The following TLK2 variants were observed in gnomAD, a reference collection of about 807,000 sequenced individuals.
TLK2 encodes the protein tousled like kinase 2.
TLK2 carries 6 observed loss-of-function variants against 117.3 expected under a neutral mutation model. The ratio of observed to expected loss-of-function variants is 0.05; its 90% CI spans 0.03 to 0.10. The LOEUF is 0.10. Among genes scored for constraint, TLK2 ranks in the 10% least tolerant of loss-of-function variants. TLK2 has a pLI of 1.00. For synonymous variants in TLK2, 257 were observed against 316.7 expected (o/e 0.81, Z 2.00); for missense variants, 299 against 901.2 (o/e 0.33, Z 8.56).
intron 2 of TLK2, among the ~76,000 whole-genome samples, chr17:62,518,838 T>G (rs2075821389): frequency 6.6e-6 from 1 of 152,048 alleles, no homozygotes; most frequent in Non-Finnish European, 1.5e-5. Flanking sequence ...TAGGAAAAAT[T>G]GCTTTTAAAA....
intron 19 of TLK2, among the ~76,000 whole-genome samples, chr17:62,604,737 C>T (rs28510316): frequency 0.6 from 89,744 of 150,528 alleles, 26,809 homozygotes; most frequent in East Asian, 0.82. Flanking sequence ...GGTGAAACCC[C>T]GTGTATACTA....
intron 9 of TLK2, among the ~76,000 whole-genome samples, chr17:62,555,211 C>T (rs1304995757): frequency 2.6e-5 from 4 of 152,088 alleles, no homozygotes; most frequent in East Asian, 1.9e-4. Flanking sequence ...AGGTGGGGAT[C>T]GGCAGCCTTG....
intron 9 of TLK2, among the ~76,000 whole-genome samples, chr17:62,554,538 C>A (rs550285219): frequency 6.6e-6 from 1 of 152,086 alleles, no homozygotes; most frequent in South Asian, 2.1e-4. Context: ...GCTGAGATTG[C>A]GCCACTGCAT....
intron 7 of TLK2, chr17:62,551,629 CGG>C (rs1486913306): frequency 6.6e-5 from 10 of 151,616 alleles, no homozygotes; most frequent in Non-Finnish European, 1.2e-4. Flanking sequence ...GGCATGAACC[CGG>C]GAGGCAGAGC....
At chr17:62,587,790 A>T (rs772423773) in intron 16 of TLK2, among the ~76,000 whole-genome samples, 1 of 151,844 alleles carries the variant, frequency 6.6e-6, no homozygotes, top group Non-Finnish European at 1.5e-5. Context: ...CACCGTAGTG[A>T]GTGCCAGGAG....
At position 62,608,010 on chromosome 17, in the gene TLK2, C is replaced by T. The variant is rs542404364; in HGVS notation, c.1972-31C>T. 10 of 1,558,654 alleles carry T rather than the reference C, an allele frequency of 6.4e-6. No homozygotes were observed. The South Asian group carries it at 1.0e-4, about 16-fold the overall frequency. On this transcript the variant is annotated intron_variant, in intron 20 of 21. Coordinates refer to ENST00000346027, the MANE Select transcript of TLK2 (RefSeq NM_006852.6). ...TTTTCTCTATAATTTTCATCAGAGGCCTACATTATTTGTTTGTTTTTATGT... is the reference window on the plus strand; with the variant it reads ...TTTTCTCTATAATTTTCATCAGAGGTCTACATTATTTGTTTGTTTTTATGT...
intron 10 of TLK2, 140 bp from the exon 11 acceptor site, chr17:62,564,861 G>GC: frequency 9.9e-7 from 1 of 1,007,458 alleles, no homozygotes; most frequent in East Asian, 2.7e-5. Flanking sequence ...GTCATCCGAG[G>GC]AGTCATTACT....
At chr17:62,582,439 G>A (rs1347257576) in intron 15 of TLK2, among the ~76,000 whole-genome samples, 1 of 151,854 alleles carries the variant, frequency 6.6e-6, no homozygotes, top group Non-Finnish European at 1.5e-5. Context: ...TTTTATTTTT[G>A]TGTTTCTTGA....
At chr17:62,603,160 CTG>C (rs2082999066) in intron 19 of TLK2, among the ~76,000 whole-genome samples, 1 of 152,140 alleles carries the variant, frequency 6.6e-6, no homozygotes. Flanking sequence ...AGAGTACTGA[CTG>C]TCTGGGAATC....
rs1451532939 is a variant in TLK2 at position 62,578,689 on chromosome 17, G to A, written c.1286+115G>A. ...TAAGTTACATAAATGATTCCATGGT[G>A]TATTTAGCTCTTTTGTAGCATCTAA... On this transcript the variant is annotated intron_variant, in intron 14 of 21. Transcript: ENST00000346027. 3 of 759,960 alleles carry A rather than the reference G, an allele frequency of 3.9e-6. No homozygotes were observed. In the African/African-American group the frequency reaches 5.3e-5, roughly 13 times the overall value. 47.1% of individuals were successfully genotyped at this position (759,960 alleles called of 1,614,324 possible).
intron 1 of TLK2, among the ~76,000 whole-genome samples, chr17:62,472,259 G>C (rs1232236369): frequency 6.6e-6 from 1 of 152,092 alleles, no homozygotes; most frequent in Non-Finnish European, 1.5e-5. Context: ...GCCTCGTCAG[G>C]CCTAGGGGTC....
At chr17:62,538,491 C>T (rs2077273732) in intron 7 of TLK2, among the ~76,000 whole-genome samples, 1 of 152,176 alleles carries the variant, frequency 6.6e-6, no homozygotes, top group South Asian at 2.1e-4. Flanking sequence ...TACTGAGTGC[C>T]CACTGTGTAA....
chr17:62,586,096 CT>C, intron 15 of TLK2, 38 bp from the exon 16 acceptor site: 2 of 1,499,274 alleles, frequency 1.3e-6, no homozygotes, highest in Non-Finnish European at 1.8e-6. Context: ...TGTAATTTTT[CT>C]TAACATTTAC....
chr17:62,486,191 CTG>C (rs1293380094), intron 2 of TLK2, among the ~76,000 whole-genome samples: 1 of 151,986 alleles, frequency 6.6e-6, no homozygotes, highest in Non-Finnish European at 1.5e-5. Flanking sequence ...GGGTCTCACT[CTG>C]TCACCTGGGC....
chr17:62,573,106 G>A (rs781384995), intron 11 of TLK2, 109 bp from the exon 12 acceptor site: 5 of 1,240,474 alleles, frequency 4.0e-6, no homozygotes, highest in Non-Finnish European at 5.5e-6. Flanking sequence ...GACTTAAAGG[G>A]GCTTATTTTT....
chr17:62,476,459 T>C (rs1384448607), upstream of TLK2, among the ~76,000 whole-genome samples: 1 of 152,064 alleles, frequency 6.6e-6, no homozygotes, highest in East Asian at 1.9e-4. Context: ...GGTGTGCGCC[T>C]GTAATCCCAG....
At chr17:62,611,165 C>G (rs1031196286) in intron 21 of TLK2, among the ~76,000 whole-genome samples, 6 of 152,108 alleles carry the variant, frequency 3.9e-5, no homozygotes, top group African/African-American at 1.4e-4. Flanking sequence ...AACAGTTTGA[C>G]CAGTATTTAA....
intron 6 of TLK2, among the ~76,000 whole-genome samples, chr17:62,534,695 TA>T (rs1203789546): frequency 6.6e-6 from 1 of 152,036 alleles, no homozygotes; most frequent in African/African-American, 2.4e-5. Flanking sequence ...CTAATATTTT[TA>T]CTTCATTTTT....
upstream of TLK2, among the ~76,000 whole-genome samples, chr17:62,475,869 G>A (rs370394553): frequency 3.5e-5 from 5 of 144,826 alleles, no homozygotes; most frequent in Admixed American, 1.4e-4. Context: ...ACCGTGTTAA[G>A]ACAGGATGGT....
Sources: gnomAD v4.1 joint callset for allele counts (sites outside exome capture counted in the v4.1 genomes callset) on GRCh38, gnomAD v4.1.1 for gene constraint, MANE v1.5 for transcripts, NCBI Gene and HGNC (gene_info 2026-07-23, HGNC 2026-07-21) for gene names.